The following GJC2 variants were observed in gnomAD, a reference collection of about 807,000 sequenced individuals.
The protein encoded by GJC2 is gap junction gamma-2 protein.
For synonymous variants in GJC2, 336 were observed against 307.5 expected (o/e 1.09, Z -0.97); for missense variants, 647 against 648.9 (o/e 1.00, Z 0.03).
In GJC2 at chr1:228,157,712, C is replaced by A. The variant is rs1181819480; in HGVS notation, c.-19-28C>A. 6 of 1,423,984 alleles carry A rather than the reference C, an allele frequency of 4.2e-6. No individual in the cohort carries two copies. In the Admixed American group the frequency reaches 1.0e-4, roughly 24 times the overall value. The allele number at this position is 1,423,984 out of a possible 1,614,324, so 88.2% of individuals were successfully genotyped here. ...CGCCGCGGGCTCCTAAGTGCAGGCC[C>A]CTGGCTGACCCCTACCCCGCCCCAC... On this transcript the variant is annotated intron_variant, in intron 1 of 1. Transcript: ENST00000366714.
In GJC2 at chr1:228,151,132, A is replaced by G. The variant is rs2034612024; in HGVS notation, c.-20+1125A>G. ...GGGAGGGAACTCAAGAACAGGCTGCAGGAGGGGCCCACGCATTCACAGCGC... is the reference window on the plus strand; with the variant it reads ...GGGAGGGAACTCAAGAACAGGCTGCGGGAGGGGCCCACGCATTCACAGCGC... On this transcript the variant is annotated intron_variant, in intron 1 of 1. Transcript: ENST00000366714. The surrounding 1 kb of genome is among the most constrained non-coding windows in gnomAD (Gnocchi z 5.4). 6.6e-6 allele frequency among the ~76,000 whole-genome samples: 1 copy of G among 152,024 alleles called. No individual in the cohort carries two copies.
Position 228,151,703 on chromosome 1 carries a change from T to G in GJC2, c.-20+1696T>G, listed in dbSNP as rs113249613. On this transcript the variant is annotated intron_variant, in intron 1 of 1. Transcript: ENST00000366714. This position sits in a 1 kb window ranked among gnomAD's most constrained non-coding sequence, Gnocchi z 5.4. The stretch of plus-strand genomic sequence containing the variant: ...GCCTACTGCTGCACAGGCAGGACAG[T>G]GAGGCCGGCCACAGAGCTGCTGGGG... 9.8e-3 allele frequency among the ~76,000 whole-genome samples: 1,495 copies of G among 152,158 alleles called. 27 individuals carry two copies. Among genetic ancestry groups the G allele is most frequent in the African/African-American group, 0.033 (1,368 of 41,502 alleles).
In GJC2 at chr1:228,158,124, C is replaced by T; in HGVS notation, c.366C>T (p.Arg122=). The change falls in exon 2 of 2, where the codon CGC becomes CGT. Residue 122 remains arginine (R), a synonymous_variant. Transcript: ENST00000366714. The surrounding 1 kb of genome is among the most constrained non-coding windows in gnomAD (Gnocchi z 8.3). ...RALRRRPGPR[R]APRAHLPPPH... ...TCCGCCGCCGCCCGGGGCCACGCCG[C>T]GCGCCCCGAGCGCACCTGCCGCCCC... The T allele has an allele frequency of 8.1e-7, 1 of 1,242,142 alleles. No homozygotes were observed. The highest frequency in any genetic ancestry group is 1.0e-6 in the Non-Finnish European group (1 of 991,108). The allele number at this position is 1,242,142 out of a possible 1,614,324, so 76.9% of individuals were successfully genotyped here. A position where few individuals can be genotyped will look rare whatever the true frequency, so the allele number is the denominator to read the frequency against.
Position 228,158,305 on chromosome 1 carries a change from G to A in GJC2, c.547G>A (p.Gly183Ser), listed in dbSNP as rs752735069. Residue 183 changes from glycine to serine, a missense_variant, in exon 2 of 2, where the codon GGC becomes AGC. Gly to Ser is a moderately conservative substitution (Grantham distance 56). Transcript: ENST00000366714. The surrounding 1 kb of genome is among the most constrained non-coding windows in gnomAD (Gnocchi z 8.3). ...GAEEACTKAV[G>S]ADGKAAGTPG... ...GGAGGAGGCGTGCACTAAGGCGGTC[G>A]GCGCTGACGGCAAGGCGGCAGGGAC... 6.5e-6 allele frequency: 10 copies of A among 1,544,236 alleles called. No homozygotes were observed. The highest frequency in any genetic ancestry group is 1.9e-5 in the Admixed American group (1 of 51,532).
chr1:228,154,784 C>T (rs989064731), intron 1 of GJC2, among the ~76,000 whole-genome samples: 15 of 152,262 alleles, frequency 9.9e-5, no homozygotes, highest in African/African-American at 3.6e-4. Flanking sequence ...GGGTGCTCTA[C>T]GTGCAGGTGC....
Position 228,157,742 on chromosome 1 carries a change from C to CG in GJC2, c.-17_-16insG. The CG allele has an allele frequency of 1.0e-5, 2 of 197,640 alleles. No homozygotes were observed. Among genetic ancestry groups the CG allele is most frequent in the South Asian group, 2.9e-5 (1 of 34,444 alleles). 12.2% of individuals were successfully genotyped at this position (197,640 alleles called of 1,614,324 possible). A position where few individuals can be genotyped will look rare whatever the true frequency, so the allele number is the denominator to read the frequency against. On this transcript the variant is annotated 5_prime_UTR_variant, in exon 2 of 2. Transcript: ENST00000366714. ...CTGACCCCTACCCCGCCCCACAGGA[C>CG]CCGCCCGCCCGCCCCTATGACCAAC...
rs1238400051 is a variant in GJC2, at chr1:228,152,208, C to CCTGCCCCAGGGTCCCGCCTGGTGAACT, written c.-20+2202_-20+2228dup. Among the ~76,000 whole-genome samples the CCTGCCCCAGGGTCCCGCCTGGTGAACT allele has an allele frequency of 1.4e-3, 208 of 152,236 alleles. No homozygotes were observed. Among genetic ancestry groups the CCTGCCCCAGGGTCCCGCCTGGTGAACT allele is most frequent in the African/African-American group, 4.9e-3 (205 of 41,532 alleles). On this transcript the variant is annotated intron_variant, in intron 1 of 1. Transcript: ENST00000366714. The surrounding 1 kb of genome is among the most constrained non-coding windows in gnomAD (Gnocchi z 7.3). ...CCATCATTTTCGGGGAAGGGAGGAG[C>CCTGCCCCAGGGTCCCGCCTGGTGAACT]CTGCCCCAGGGTCCCGCCTGGTGAA... is the stretch of plus-strand genomic sequence containing the variant.
At position 228,159,336 on chromosome 1, in the gene GJC2, G is replaced by T. The variant is rs2034740335; in HGVS notation, c.*258G>T. 3.7e-6 allele frequency: 2 copies of T among 542,476 alleles called. No homozygotes were observed. The highest frequency in any genetic ancestry group is 6.7e-6 in the Non-Finnish European group (2 of 296,434). 33.6% of individuals were successfully genotyped at this position (542,476 alleles called of 1,614,324 possible). A position where few individuals can be genotyped will look rare whatever the true frequency, so the allele number is the denominator to read the frequency against. On this transcript the variant is annotated 3_prime_UTR_variant, in exon 2 of 2. Transcript: ENST00000366714. The surrounding 1 kb of genome is among the most constrained non-coding windows in gnomAD (Gnocchi z 4.0). ...CTCTGCTGTGGTCTGAACCCCAGGG[G>T]GAGTGGGGCATTGACTCCACCCCTG...
rs2034616075 is a variant in GJC2 at position 228,151,565 on chromosome 1, A to G, written c.-20+1558A>G. ...CAGCTCCATGTTGAGCTCGAGCAGCAGTGTGCATGTGGCAGTGTGCACTGC... is the reference window on the plus strand; with the variant it reads ...CAGCTCCATGTTGAGCTCGAGCAGCGGTGTGCATGTGGCAGTGTGCACTGC... On this transcript the variant is annotated intron_variant, in intron 1 of 1. Coordinates refer to ENST00000366714, the MANE Select transcript of GJC2 (RefSeq NM_020435.4). The surrounding 1 kb of genome is among the most constrained non-coding windows in gnomAD (Gnocchi z 5.4). Among the ~76,000 whole-genome samples, 1 of 151,980 alleles carries G rather than the reference A, an allele frequency of 6.6e-6. No individual in the cohort carries two copies. The highest frequency in any genetic ancestry group is 2.4e-5 in the African/African-American group (1 of 41,364).
At position 228,158,705 on chromosome 1, in the gene GJC2, C is replaced by G. The variant is rs760502262; in HGVS notation, c.947C>G (p.Pro316Arg). The change falls in exon 2 of 2, where the codon CCG becomes CGG. Residue 316 changes from proline (P) to arginine (R), a missense_variant. Pro to Arg is a moderately radical substitution (Grantham distance 103, BLOSUM62 -2). Transcript: ENST00000366714. The surrounding 1 kb of genome is among the most constrained non-coding windows in gnomAD (Gnocchi z 8.3). Reference sequence around the variant, plus strand: ...GCCCCCGCCCCCGCGCCGCGGCCCCCGCCCTGCGCCTTCCCTGCGGCGGCC... The same window carrying G: ...GCCCCCGCCCCCGCGCCGCGGCCCCGGCCCTGCGCCTTCCCTGCGGCGGCC... ...ASAPAPAPRPPPCAFPAAAAG... is the reference protein window; with the variant it reads ...ASAPAPAPRPRPCAFPAAAAG... The G allele has an allele frequency of 1.7e-6, 2 of 1,179,324 alleles. No homozygotes were observed. The highest frequency in any genetic ancestry group is 2.1e-5 in the South Asian group (1 of 47,920). 73.1% of individuals were successfully genotyped at this position (1,179,324 alleles called of 1,614,324 possible). A position where few individuals can be genotyped will look rare whatever the true frequency, so the allele number is the denominator to read the frequency against.
In GJC2 at chr1:228,157,740, G is replaced by GGAC; in HGVS notation, c.-19_-18insGAC. 6.0e-6 allele frequency: 4 copies of GGAC among 662,262 alleles called. No homozygotes were observed. Among genetic ancestry groups the GGAC allele is most frequent in the South Asian group, 3.5e-5 (2 of 57,382 alleles). The allele number at this position is 662,262 out of a possible 1,614,324, so 41.0% of individuals were successfully genotyped here. On this transcript the variant is annotated splice_region_variant and 5_prime_UTR_variant, in exon 2 of 2. Transcript: ENST00000366714. The stretch of plus-strand genomic sequence containing the variant: ...GGCTGACCCCTACCCCGCCCCACAG[G>GGAC]ACCCGCCCGCCCGCCCCTATGACCA...
Position 228,159,201 on chromosome 1 carries a change from G to T in GJC2, c.*123G>T. The T allele has an allele frequency of 1.7e-6, 2 of 1,155,738 alleles. No individual in the cohort carries two copies. Among genetic ancestry groups the T allele is most frequent in the South Asian group, 2.9e-5 (2 of 68,610 alleles). The allele number at this position is 1,155,738 out of a possible 1,614,324, so 71.6% of individuals were successfully genotyped here. ...GCCTCAGGCAGACTCTGCCCAGAGG[G>T]GCAGCCAGGCTGCTCAGGGAAGGGG... On this transcript the variant is annotated 3_prime_UTR_variant, in exon 2 of 2. Transcript: ENST00000366714. The surrounding 1 kb of genome is among the most constrained non-coding windows in gnomAD (Gnocchi z 4.0).
intron 1 of GJC2, among the ~76,000 whole-genome samples, chr1:228,153,080 G>A (rs765194571): frequency 1.3e-5 from 2 of 151,864 alleles, no homozygotes; most frequent in Non-Finnish European, 2.9e-5. Context: ...GCTCCCTGGG[G>A]GCCAGCACCC....
In GJC2 at chr1:228,159,246, G is replaced by C; in HGVS notation, c.*168G>C. 1 of 796,584 alleles carries C rather than the reference G, an allele frequency of 1.3e-6. No individual in the cohort carries two copies. Among genetic ancestry groups the C allele is most frequent in the Non-Finnish European group, 2.0e-6 (1 of 502,408 alleles). The allele number at this position is 796,584 out of a possible 1,614,324, so 49.3% of individuals were successfully genotyped here. ...AAGGGGCTGAAAGCGGCAGAGGAGT[G>C]CCCTGGCTTGGTCACCACTGGGGCC... On this transcript the variant is annotated 3_prime_UTR_variant, in exon 2 of 2. Coordinates refer to ENST00000366714, the MANE Select transcript of GJC2 (RefSeq NM_020435.4). The surrounding 1 kb of genome is among the most constrained non-coding windows in gnomAD (Gnocchi z 4.0).
chr1:228,155,795 G>T (rs372629728), intron 1 of GJC2, among the ~76,000 whole-genome samples: 1 of 152,192 alleles, frequency 6.6e-6, no homozygotes, highest in African/African-American at 2.4e-5. Context: ...CAATGGCGCC[G>T]TTTCCTCAGC....
chr1:228,157,822 T>C lies in GJC2; in HGVS notation c.64T>C (p.Phe22Leu). The change falls in exon 2 of 2, where the codon TTC (phenylalanine) becomes CTC (leucine). Residue 22 changes from phenylalanine (F) to leucine (L), a missense_variant. Phe to Leu is a conservative substitution (Grantham distance 22, BLOSUM62 0). Coordinates refer to ENST00000366714, the MANE Select transcript of GJC2 (RefSeq NM_020435.4). Reference protein sequence around the residue: ...LLEEIHNHSTFVGKVWLTVLV... With the variant: ...LLEEIHNHSTLVGKVWLTVLV... ...GGAGGAGATCCACAACCACTCCACC[T>C]TCGTGGGCAAGGTGTGGCTCACGGT... 6.9e-7 allele frequency: 1 copy of C among 1,456,296 alleles called. No individual in the cohort carries two copies. Among genetic ancestry groups the C allele is most frequent in the East Asian group, 3.1e-5 (1 of 31,848 alleles). The allele number at this position is 1,456,296 out of a possible 1,614,324, so 90.2% of individuals were successfully genotyped here.
In GJC2 at chr1:228,157,737, C is replaced by CCGGGGGGGGGGGGGGGGGGGGGGGGGGGG; in HGVS notation, c.-19-3_-19-2insCGGGGGGGGGGGGGGGGGGGGGGGGGGGG. 7.8e-5 allele frequency: 53 copies of CCGGGGGGGGGGGGGGGGGGGGGGGGGGGG among 682,648 alleles called. No homozygotes were observed. The highest frequency in any genetic ancestry group is 3.9e-4 in the Middle Eastern group (1 of 2,580). The allele number at this position is 682,648 out of a possible 1,614,324, so 42.3% of individuals were successfully genotyped here. A position where few individuals can be genotyped will look rare whatever the true frequency, so the allele number is the denominator to read the frequency against. On this transcript the variant is annotated splice_region_variant and splice_polypyrimidine_tract_variant and intron_variant, in intron 1 of 1. Transcript: ENST00000366714. Reference sequence around the variant, plus strand: ...CCTGGCTGACCCCTACCCCGCCCCACAGGACCCGCCCGCCCGCCCCTATGA... The same window carrying CCGGGGGGGGGGGGGGGGGGGGGGGGGGGG: ...CCTGGCTGACCCCTACCCCGCCCCACCGGGGGGGGGGGGGGGGGGGGGGGGGGGGAGGACCCGCCCGCCCGCCCCTATGA...
chr1:228,155,394 C>T (rs1231607076), intron 1 of GJC2, among the ~76,000 whole-genome samples: 7 of 152,178 alleles, frequency 4.6e-5, no homozygotes, highest in East Asian at 1.9e-4. Flanking sequence ...GCTGGGTGGG[C>T]GTCCTAATGC....
intron 1 of GJC2, 117 bp from the exon 2 acceptor site, chr1:228,157,623 C>T (rs1187624796): frequency 3.2e-6 from 2 of 633,490 alleles, no homozygotes; most frequent in African/African-American, 3.7e-5. Flanking sequence ...GTAAGCTCCA[C>T]GTCATTGACT....
Sources: gnomAD v4.1 joint callset for allele counts (sites outside exome capture counted in the v4.1 genomes callset) on GRCh38, gnomAD v4.1.1 for gene constraint, Gnocchi (gnomAD v3.1) non-coding constraint, MANE v1.5 for transcripts, NCBI Gene and HGNC (gene_info 2026-07-23, HGNC 2026-07-21) for gene names.